NRCAM: variants seen among roughly 807,000 people sequenced by gnomAD.
The protein encoded by NRCAM is NgCAM-related cell adhesion molecule.
Under a neutral mutation model 156.5 loss-of-function variants are expected in NRCAM, and 83 were observed. That is an observed-to-expected ratio of 0.53 (90% CI 0.44 to 0.64). The LOEUF is 0.64. NRCAM is among the 30% of genes least tolerant of loss of function. NRCAM has a pLI of 0.00. For missense variants in NRCAM, 1,417 were observed against 1,597.3 expected, an observed-to-expected ratio of 0.89 and a Z score of 1.92; for synonymous variants, 538 against 563.9, an observed-to-expected ratio of 0.95 and a Z score of 0.65.
Position 108,372,629 on chromosome 7 carries a change from T to C in NRCAM, c.-174+26807A>G, listed in dbSNP as rs549735508. ...AACATCATTAGTCATTAAGGAAATA[T>C]GCAAATCAAAACTACAATGAAATAT... On this transcript the variant is annotated intron_variant, in intron 2 of 32. Coordinates refer to ENST00000379028, the MANE Select transcript of NRCAM (RefSeq NM_001037132.4). Among the ~76,000 whole-genome samples the C allele has an allele frequency of 1.4e-3, 209 of 152,196 alleles. 1 individual carries two copies. The highest frequency in any genetic ancestry group is 5.8e-3 in the Admixed American group (88 of 15,256).
At chr7:108,391,942 C>T (rs569383208) in intron 2 of NRCAM, among the ~76,000 whole-genome samples, 97 of 152,282 alleles carry the variant, frequency 6.4e-4, no homozygotes, top group Middle Eastern at 6.8e-3. Context: ...CCGAGAGATC[C>T]GCTGTTAGTC....
chr7:108,264,010 G>A (rs1234400567), intron 3 of NRCAM, among the ~76,000 whole-genome samples: 1 of 151,714 alleles, frequency 6.6e-6, no homozygotes, highest in Non-Finnish European at 1.5e-5. Flanking sequence ...TTTTGAGATG[G>A]AGTCTCACTC....
At chr7:108,334,164 G>A (rs932665613) in intron 2 of NRCAM, among the ~76,000 whole-genome samples, 3 of 152,108 alleles carry the variant, frequency 2.0e-5, no homozygotes, top group Non-Finnish European at 4.4e-5. Flanking sequence ...GTAGAAACAT[G>A]TTTATGGATG....
rs538960518 is a variant in NRCAM, at chr7:108,159,833, A to G, written c.3599-292T>C. 1.6e-4 allele frequency among the ~76,000 whole-genome samples: 25 copies of G among 152,286 alleles called. No individual in the cohort carries two copies. The East Asian group carries it at 4.6e-3, about 28-fold the overall frequency. On this transcript the variant is annotated intron_variant, in intron 31 of 32. Transcript: ENST00000379028. ...TATTTTACCAATCTATTTGTTAACT[A>G]TATTAATGGTTGAAAATTGTTTTTG...
intron 2 of NRCAM, among the ~76,000 whole-genome samples, chr7:108,394,599 G>T (rs1355278698): frequency 6.6e-6 from 1 of 152,108 alleles, no homozygotes; most frequent in Non-Finnish European, 1.5e-5. Flanking sequence ...AATAAAACAT[G>T]AAACCCCTGA....
chr7:108,428,021 G>A (rs1490555944), intron 1 of NRCAM, among the ~76,000 whole-genome samples: 1 of 152,174 alleles, frequency 6.6e-6, no homozygotes, highest in Non-Finnish European at 1.5e-5. Context: ...ATAAAAAGGG[G>A]TCATGGGTCA....
At chr7:108,300,174 T>TTC (rs2098565463) in intron 3 of NRCAM, among the ~76,000 whole-genome samples, 1 of 142,672 alleles carries the variant, frequency 7.0e-6, no homozygotes, top group Non-Finnish European at 1.5e-5. Flanking sequence ...TTTTTTTTTT[T>TTC]TTTTTTTTTT....
chr7:108,192,924 G>A (rs4727701), intron 17 of NRCAM, among the ~76,000 whole-genome samples: 117,234 of 152,178 alleles, frequency 0.77, 46,060 homozygotes, highest in East Asian at 0.99. Flanking sequence ...TAGAGAATTA[G>A]TGTATTATTT....
chr7:108,425,873 G>A (rs1350309671), intron 1 of NRCAM, among the ~76,000 whole-genome samples: 1 of 152,164 alleles, frequency 6.6e-6, no homozygotes. Context: ...AATTACTAAG[G>A]AAAGCCTCAG....
At chr7:108,229,173 C>T (rs1016283615) in intron 8 of NRCAM, among the ~76,000 whole-genome samples, 1 of 152,176 alleles carries the variant, frequency 6.6e-6, no homozygotes, top group African/African-American at 2.4e-5. Flanking sequence ...ATGTCAAATT[C>T]AGTAGTCATT....
intron 3 of NRCAM, among the ~76,000 whole-genome samples, chr7:108,299,462 T>C (rs1181127763): frequency 6.6e-6 from 1 of 152,144 alleles, no homozygotes; most frequent in Non-Finnish European, 1.5e-5. Context: ...TTTTTTCAGA[T>C]AGAATCAGTC....
chr7:108,410,551 G>T (rs1218034051), intron 1 of NRCAM, among the ~76,000 whole-genome samples: 1 of 152,216 alleles, frequency 6.6e-6, no homozygotes, highest in Non-Finnish European at 1.5e-5. Context: ...TAATTGGTCT[G>T]AGGTAGGGAC....
At chr7:108,224,534 C>G (rs572590964) in intron 10 of NRCAM, among the ~76,000 whole-genome samples, 1 of 152,030 alleles carries the variant, frequency 6.6e-6, no homozygotes, top group Non-Finnish European at 1.5e-5. Flanking sequence ...TTTATGGAGG[C>G]CTTTCCAAAA....
chr7:108,190,833 G>T (rs533951483), intron 19 of NRCAM, among the ~76,000 whole-genome samples: 72 of 152,148 alleles, frequency 4.7e-4, no homozygotes, highest in African/African-American at 1.7e-3. Flanking sequence ...TCTTGAAAAT[G>T]GAATCCCAAA....
intron 3 of NRCAM, among the ~76,000 whole-genome samples, chr7:108,270,898 T>C (rs2097319171): frequency 6.6e-6 from 1 of 152,138 alleles, no homozygotes; most frequent in African/African-American, 2.4e-5. Context: ...TTACTATAAA[T>C]GGGTTTAGAG....
rs2267885 is a variant in NRCAM, at chr7:108,327,549, T to C, written c.-173-14818A>G. On this transcript the variant is annotated intron_variant, in intron 2 of 32. Coordinates refer to ENST00000379028, the MANE Select transcript of NRCAM (RefSeq NM_001037132.4). ...AAGATGCAAAACTTTGGTTTCAAGA[T>C]ACTAGCTTGAAACCAAATTGCATTA... Among the ~76,000 whole-genome samples the C allele has an allele frequency of 2.0e-3, 303 of 152,234 alleles. 8 individuals are homozygous for C. The East Asian group carries it at 0.054, about 27-fold the overall frequency.
chr7:108,218,409 T>A (rs2090625979), intron 11 of NRCAM, among the ~76,000 whole-genome samples: 1 of 152,124 alleles, frequency 6.6e-6, no homozygotes, highest in African/African-American at 2.4e-5. Context: ...GAATACACAT[T>A]CTATTCAACA....
intron 10 of NRCAM, among the ~76,000 whole-genome samples, chr7:108,225,018 C>G (rs1277910869): frequency 6.6e-6 from 1 of 152,120 alleles, no homozygotes; most frequent in Non-Finnish European, 1.5e-5. Context: ...TATTTTCATT[C>G]ATAGACTCTA....
intron 17 of NRCAM, among the ~76,000 whole-genome samples, 167 bp from the exon 18 acceptor site, chr7:108,192,020 A>G (rs1015276050): frequency 1.3e-5 from 2 of 152,254 alleles, no homozygotes; most frequent in African/African-American, 4.8e-5. Flanking sequence ...TAAAGTTGAA[A>G]AACAATGAGA....
Sources: allele counts gnomAD v4.1 joint callset (sites outside exome capture counted in the v4.1 genomes callset), GRCh38; gene constraint gnomAD v4.1.1; transcripts MANE v1.5; gene names NCBI Gene and HGNC (gene_info 2026-07-23, HGNC 2026-07-21).